NRP1: variants seen among roughly 807,000 people sequenced by gnomAD.
NRP1 encodes the protein neuropilin 1.
NRP1 carries 35 observed loss-of-function variants against 106.7 expected under a neutral mutation model. The observed-to-expected ratio is 0.33, with a 90% CI of 0.25 to 0.43. NRP1 has a LOEUF of 0.43. NRP1 is among the 20% of genes least tolerant of loss of function. The pLI is 1.00. For synonymous variants in NRP1, 437 were observed against 417.9 expected (o/e 1.05, Z -0.56); for missense variants, 1,024 against 1,170.4 (o/e 0.87, Z 1.83).
At chr10:33,277,039 A>C (rs1346142964) in intron 2 of NRP1, among the ~76,000 whole-genome samples, 1 of 151,604 alleles carries the variant, frequency 6.6e-6, no homozygotes, top group African/African-American at 2.4e-5. Flanking sequence ...CAGGAGTTTG[A>C]GGCTGCAGTG....
intron 2 of NRP1, among the ~76,000 whole-genome samples, chr10:33,311,988 A>G (rs548246324): frequency 3.3e-4 from 50 of 152,296 alleles, no homozygotes; most frequent in African/African-American, 1.1e-3. Flanking sequence ...GACATTTTCC[A>G]ATGAATGCTG....
In NRP1 at chr10:33,319,568, T is replaced by C. The variant is rs569492651; in HGVS notation, c.248+11140A>G. On this transcript the variant is annotated intron_variant, in intron 2 of 16. Coordinates refer to ENST00000374867, the MANE Select transcript of NRP1 (RefSeq NM_003873.7). ...TCTTTGCGGTGGTGCCATCTTTTTT[T>C]TTTCTTTCTTTCTTTCTTTCTTTTT... Among the ~76,000 whole-genome samples the C allele has an allele frequency of 1.0e-3, 153 of 148,758 alleles. 1 individual carries two copies. The highest frequency in any genetic ancestry group is 3.8e-3 in the Admixed American group (57 of 14,900).
At chr10:33,270,556 A>G in intron 3 of NRP1, 119 bp downstream of exon 3, 1 of 766,990 alleles carries the variant, frequency 1.3e-6, no homozygotes, top group South Asian at 2.6e-5. Context: ...TGAATTCCTG[A>G]GCTCAAGTGA....
chr10:33,206,584 TA>T (rs1258650462), intron 10 of NRP1, among the ~76,000 whole-genome samples: 1 of 152,184 alleles, frequency 6.6e-6, no homozygotes, highest in African/African-American at 2.4e-5. Flanking sequence ...CAAATAATTT[TA>T]AAATTGCAGG....
intron 11 of NRP1, among the ~76,000 whole-genome samples, chr10:33,198,143 A>G: frequency 1.5e-5 from 1 of 67,186 alleles, no homozygotes; most frequent in South Asian, 5.5e-4. Context: ...TAAATTTTTA[A>G]ATTTTTTTTT....
rs368913853 is a variant in NRP1 at position 33,192,408 on chromosome 10, T to A, written c.1935A>T (p.Thr645=). The A allele has an allele frequency of 6.2e-7, 1 of 1,613,766 alleles. No individual in the cohort carries two copies. Among genetic ancestry groups the A allele is most frequent in the Non-Finnish European group, 8.5e-7 (1 of 1,179,916 alleles). Residue 645 remains threonine, a synonymous_variant, in exon 13 of 17, where the codon ACA becomes ACT. Transcript: ENST00000374867. The part of the protein sequence containing the change: ...IDSTIQSEFP[T]YGFNCEFGWG... ...AGCCAAATTCACAGTTAAAACCATATGTTGGAAACTCTTCAGTGGGTGGGA... is the reference window on the plus strand; with the variant it reads ...AGCCAAATTCACAGTTAAAACCATAAGTTGGAAACTCTTCAGTGGGTGGGA...
intron 2 of NRP1, among the ~76,000 whole-genome samples, chr10:33,318,827 C>T (rs779820135): frequency 1.7e-4 from 25 of 148,296 alleles, no homozygotes; most frequent in Admixed American, 2.7e-4. Context: ...AAGGTGCTAG[C>T]ACAGCTTTGG....
intron 15 of NRP1, among the ~76,000 whole-genome samples, chr10:33,184,007 C>T (rs904896847): frequency 6.6e-6 from 1 of 151,724 alleles, no homozygotes; most frequent in African/African-American, 2.4e-5. Context: ...CCCTTCCTTC[C>T]TTCCTTCTTT....
intron 6 of NRP1, among the ~76,000 whole-genome samples, chr10:33,243,426 C>G (rs1373126740): frequency 6.6e-6 from 1 of 152,176 alleles, no homozygotes; most frequent in Admixed American, 6.5e-5. Flanking sequence ...AAGCACCTGT[C>G]TGGTCCGATC....
At chr10:33,262,758 A>G (rs566253845) in intron 4 of NRP1, among the ~76,000 whole-genome samples, 1 of 150,620 alleles carries the variant, frequency 6.6e-6, no homozygotes, top group Admixed American at 6.6e-5. Flanking sequence ...ATTTCAACCT[A>G]TACCTCCCCA....
intron 15 of NRP1, among the ~76,000 whole-genome samples, chr10:33,184,965 G>A (rs1835908495): frequency 6.6e-6 from 1 of 152,096 alleles, no homozygotes; most frequent in Admixed American, 6.6e-5. Flanking sequence ...ACTAATTACT[G>A]TGCTATTACA....
chr10:33,287,961 G>C (rs1844701736), intron 2 of NRP1, among the ~76,000 whole-genome samples: 1 of 152,208 alleles, frequency 6.6e-6, no homozygotes, highest in African/African-American at 2.4e-5. Context: ...TCAAGATAGA[G>C]TGTGAGCCCG....
intron 2 of NRP1, among the ~76,000 whole-genome samples, chr10:33,299,159 T>G (rs1388870558): frequency 6.6e-6 from 1 of 152,210 alleles, no homozygotes; most frequent in African/African-American, 2.4e-5. Flanking sequence ...CCAAAGTTAC[T>G]GATCTGAAAA....
intron 2 of NRP1, among the ~76,000 whole-genome samples, chr10:33,296,463 G>A (rs1845392456): frequency 6.6e-6 from 1 of 152,210 alleles, no homozygotes. Context: ...ATTCTTTGAA[G>A]AGAAGAAGGA....
chr10:33,295,552 TTTTTAAG>T (rs1287384175), intron 2 of NRP1, among the ~76,000 whole-genome samples: 1 of 152,064 alleles, frequency 6.6e-6, no homozygotes, highest in Non-Finnish European at 1.5e-5. Flanking sequence ...TACAAAACAA[TTTTTAAG>T]TTAGTCAGGC....
intron 2 of NRP1, among the ~76,000 whole-genome samples, chr10:33,310,693 C>T (rs759652314): frequency 2.6e-5 from 4 of 152,146 alleles, no homozygotes; most frequent in South Asian, 2.1e-4. Context: ...TCCTTCAGGA[C>T]GTACCTTTCT....
chr10:33,186,488 C>T lies in NRP1; in HGVS notation c.2063G>A (p.Gly688Glu). 1 of 1,607,788 alleles carries T rather than the reference C, an allele frequency of 6.2e-7. No individual in the cohort carries two copies. The highest frequency in any genetic ancestry group is 2.2e-5 in the East Asian group (1 of 44,770). Residue 688 changes from glycine to glutamate, a missense_variant and splice_region_variant, in exon 14 of 17, where the codon GGA (glycine) becomes GAA (glutamate). By Grantham distance (98) the Gly-to-Glu change is moderately conservative. Transcript: ENST00000374867. The part of the protein sequence containing the change: ...SKTGPIQDHT[G>E]DGNFIYSQAD... ...TTGGGAATAGATGAAGTTGCCATCT[C>T]CTGCTGTGACAAAGAACTGTGTTAG... is the stretch of plus-strand genomic sequence containing the variant.
chr10:33,199,336 A>C, intron 11 of NRP1, among the ~76,000 whole-genome samples: 1 of 133,560 alleles, frequency 7.5e-6, no homozygotes, highest in African/African-American at 2.7e-5. Flanking sequence ...AGCCAGGACT[A>C]CAGGTGTGCG....
chr10:33,226,387 C>T (rs1472864543), intron 6 of NRP1, 98 bp from the exon 7 acceptor site: 8 of 1,351,400 alleles, frequency 5.9e-6, no homozygotes, highest in Admixed American at 5.9e-5. Flanking sequence ...TTTTCATCCA[C>T]CTGGGATCAA....
Sources: gnomAD v4.1 joint callset for allele counts (sites outside exome capture counted in the v4.1 genomes callset) on GRCh38, gnomAD v4.1.1 for gene constraint, MANE v1.5 for transcripts, NCBI Gene and HGNC (gene_info 2026-07-23, HGNC 2026-07-21) for gene names.